Variants in ASAP1 observed in about 807,000 individuals in gnomAD.
ASAP1 encodes ArfGAP with SH3 domain, ankyrin repeat and PH domain 1.
Under a neutral mutation model 145.2 loss-of-function variants are expected in ASAP1, and 43 were observed. That is an observed-to-expected ratio of 0.30 (90% CI 0.23 to 0.38). The LOEUF (loss-of-function observed/expected upper bound fraction) is 0.38. ASAP1 is among the 10% of genes least tolerant of loss of function. The pLI is 1.00. For synonymous variants in ASAP1, 546 were observed against 515.5 expected (o/e 1.06, Z -0.80); for missense variants, 1,018 against 1,355.3 (o/e 0.75, Z 3.91).
intron 10 of ASAP1, among the ~76,000 whole-genome samples, chr8:130,168,575 G>C (rs767525147): frequency 1.3e-5 from 2 of 152,150 alleles, no homozygotes; most frequent in East Asian, 1.9e-4. Context: ...GGGCGACAGA[G>C]TGAGACTCTG....
intron 3 of ASAP1, among the ~76,000 whole-genome samples, chr8:130,237,658 G>A (rs924177772): frequency 3.9e-5 from 6 of 152,018 alleles, no homozygotes; most frequent in Non-Finnish European, 8.8e-5. Flanking sequence ...TATAAGCAGG[G>A]GGGCTTCTAG....
chr8:130,255,925 C>CCCTTTTAATAATGGGA (rs1205682629), intron 3 of ASAP1, among the ~76,000 whole-genome samples: 1 of 152,144 alleles, frequency 6.6e-6, no homozygotes, highest in Non-Finnish European at 1.5e-5. Context: ...CTAATATGGA[C>CCCTTTTAATAATGGGA]CCCTGCTCCC....
chr8:130,358,717 C>A lies in ASAP1; in HGVS notation c.60-574G>T, dbSNP rs1490676395. Among the ~76,000 whole-genome samples, 1 of 140,110 alleles carries A rather than the reference C, an allele frequency of 7.1e-6. No homozygotes were observed. 91.9% of individuals were successfully genotyped at this position (140,110 alleles called of 152,430 possible). On this transcript the variant is annotated intron_variant, in intron 2 of 29. Transcript: ENST00000518721. The surrounding 1 kb of genome is among the most constrained non-coding windows in gnomAD (Gnocchi z 4.1). ...CAGCCCCGCCCCCCCGGTCCCTCCC[C>A]GCCCGCGCCCCGCCCCCGGCCCGGC... is the stretch of plus-strand genomic sequence containing the variant.
chr8:130,305,913 GCTC>G (rs1822965384), intron 3 of ASAP1, among the ~76,000 whole-genome samples: 2 of 152,134 alleles, frequency 1.3e-5, no homozygotes, highest in Non-Finnish European at 1.5e-5. Flanking sequence ...CACTATTTAA[GCTC>G]TTAGGTTAGA....
chr8:130,269,503 T>C (rs1820463120), intron 3 of ASAP1, among the ~76,000 whole-genome samples: 1 of 152,234 alleles, frequency 6.6e-6, no homozygotes, highest in Non-Finnish European at 1.5e-5. Flanking sequence ...ATGTTAAACT[T>C]ATGTCCCAAC....
At chr8:130,243,503 A>T (rs1818667943) in intron 3 of ASAP1, among the ~76,000 whole-genome samples, 1 of 152,150 alleles carries the variant, frequency 6.6e-6, no homozygotes, top group South Asian at 2.1e-4. Flanking sequence ...TCTTCCAATA[A>T]AACTAAGTCC....
chr8:130,069,193 T>C (rs752167017), intron 27 of ASAP1, among the ~76,000 whole-genome samples: 7 of 152,160 alleles, frequency 4.6e-5, no homozygotes, highest in Admixed American at 2.6e-4. Flanking sequence ...TAGATGGTTA[T>C]TAAGAAATGG....
intron 5 of ASAP1, among the ~76,000 whole-genome samples, chr8:130,191,538 G>A (rs1001295032): frequency 1.3e-5 from 2 of 152,104 alleles, no homozygotes. Context: ...CATATTCTAG[G>A]AACAGAGGCA....
At chr8:130,436,551 T>G (rs1184553806) in intron 1 of ASAP1, among the ~76,000 whole-genome samples, 1 of 152,216 alleles carries the variant, frequency 6.6e-6, no homozygotes, top group African/African-American at 2.4e-5. Flanking sequence ...GCTCAAGCAA[T>G]CCACCCGCCT....
At chr8:130,388,547 T>C (rs1331018231) in intron 2 of ASAP1, among the ~76,000 whole-genome samples, 1 of 152,194 alleles carries the variant, frequency 6.6e-6, no homozygotes, top group Non-Finnish European at 1.5e-5. Context: ...ATAATATAAT[T>C]TGCATGTCTG....
Position 130,095,885 on chromosome 8 carries a change from C to T in ASAP1, c.2402-3742G>A, listed in dbSNP as rs190098418. Reference sequence around the variant, plus strand: ...CCACCCACCTCAGACTCCCAAAGTACTGGGATTACAGGCGTGAGTCACAGT... The same window carrying T: ...CCACCCACCTCAGACTCCCAAAGTATTGGGATTACAGGCGTGAGTCACAGT... On this transcript the variant is annotated intron_variant, in intron 24 of 29. Coordinates refer to ENST00000518721, the MANE Select transcript of ASAP1 (RefSeq NM_018482.4). Among the ~76,000 whole-genome samples the T allele has an allele frequency of 3.9e-5, 6 of 152,282 alleles. No individual in the cohort carries two copies. The South Asian group carries it at 1.0e-3, about 26-fold the overall frequency.
chr8:130,385,568 C>T (rs1428533260), intron 2 of ASAP1, among the ~76,000 whole-genome samples: 1 of 152,210 alleles, frequency 6.6e-6, no homozygotes, highest in Non-Finnish European at 1.5e-5. Flanking sequence ...GGGATGTTTT[C>T]TCAGTTACCA....
In ASAP1 at chr8:130,240,803, G is replaced by A. The variant is rs145702499; in HGVS notation, c.187-3809C>T. ...AGGAGAGCACTTCCAACCTTGATACGAAGACTTTTTACTTTTATTTCACAC... is the reference window on the plus strand; with the variant it reads ...AGGAGAGCACTTCCAACCTTGATACAAAGACTTTTTACTTTTATTTCACAC... On this transcript the variant is annotated intron_variant, in intron 3 of 29. Coordinates refer to ENST00000518721, the MANE Select transcript of ASAP1 (RefSeq NM_018482.4). Among the ~76,000 whole-genome samples, 58 of 152,208 alleles carry A rather than the reference G, an allele frequency of 3.8e-4. No homozygotes were observed. In the East Asian group the frequency reaches 0.011, roughly 28 times the overall value.
intron 24 of ASAP1, among the ~76,000 whole-genome samples, chr8:130,108,781 T>G (rs1016059591): frequency 7.7e-5 from 10 of 130,614 alleles, no homozygotes; most frequent in South Asian, 2.7e-4. Flanking sequence ...TTTTTTTTTT[T>G]TTTTTTTTTT....
chr8:130,120,850 T>G (rs2097564671), intron 18 of ASAP1, among the ~76,000 whole-genome samples: 1 of 152,212 alleles, frequency 6.6e-6, no homozygotes, highest in Admixed American at 6.5e-5. Context: ...GGCAATTTAA[T>G]GTTTTCTGAC....
chr8:130,109,095 C>T (rs2097542507), intron 24 of ASAP1, among the ~76,000 whole-genome samples: 2 of 152,052 alleles, frequency 1.3e-5, no homozygotes, highest in African/African-American at 2.4e-5. Flanking sequence ...TGTTAATAAA[C>T]GTACAGTAGA....
intron 2 of ASAP1, among the ~76,000 whole-genome samples, chr8:130,379,621 T>G (rs1274638550): frequency 6.6e-6 from 1 of 152,024 alleles, no homozygotes; most frequent in Non-Finnish European, 1.5e-5. Context: ...GTAGGAAAAT[T>G]GGAGAATTGC....
intron 13 of ASAP1, among the ~76,000 whole-genome samples, chr8:130,138,292 A>G (rs981350585): frequency 6.6e-5 from 10 of 152,224 alleles, no homozygotes; most frequent in Admixed American, 5.9e-4. Context: ...GAGATTAAAC[A>G]TAGAAAACAA....
chr8:130,397,384 G>T (rs139398150), intron 2 of ASAP1, among the ~76,000 whole-genome samples: 1 of 152,084 alleles, frequency 6.6e-6, no homozygotes, highest in Non-Finnish European at 1.5e-5. Context: ...CAGGTGATCC[G>T]CCAGCCTTCG....
Sources: allele counts gnomAD v4.1 joint callset (sites outside exome capture counted in the v4.1 genomes callset), GRCh38; gene constraint gnomAD v4.1.1; non-coding constraint Gnocchi (gnomAD v3.1); transcripts MANE v1.5; gene names NCBI Gene and HGNC (gene_info 2026-07-23, HGNC 2026-07-21).